Variants in FBXL7 observed in about 807,000 individuals in gnomAD.
FBXL7 encodes the protein F-box/LRR-repeat protein 7.
A neutral mutation model predicts 38.3 loss-of-function variants in FBXL7; 12 were observed. The ratio of observed to expected loss-of-function variants is 0.31; its 90% confidence interval spans 0.20 to 0.51. The LOEUF (loss-of-function observed/expected upper bound fraction) is 0.51. FBXL7 is among the 20% of genes least tolerant of loss of function. The probability of loss-of-function intolerance (pLI) is 0.98; values close to 1 mark genes in which losing one functional copy is unlikely to be tolerated. For synonymous variants in FBXL7, 297 were observed against 300.9 expected, an observed-to-expected ratio of 0.99 and a Z score of 0.13; for missense variants, 567 against 676.4, an observed-to-expected ratio of 0.84 and a Z score of 1.79.
chr5:15,936,743 A>G lies in FBXL7; in HGVS notation c.1033A>G (p.Ile345Val), dbSNP rs1438099269. ...CGTCAGCGACTTCGGCCTGCGGGAG[A>G]TCGCCAAGCTGGAGTCCCGCCTGCG... ...RFVSDFGLRE[I>V]AKLESRLRYL... The change falls in exon 4 of 4, where the codon ATC (isoleucine) becomes GTC (valine). Residue 345 changes from isoleucine (I) to valine (V), a missense_variant. Ile to Val is a conservative substitution (Grantham distance 29). Transcript: ENST00000504595. The surrounding 1 kb of genome is among the most constrained non-coding windows in gnomAD (Gnocchi z 6.0). The G allele has an allele frequency of 2.5e-6, 4 of 1,609,402 alleles. No homozygotes were observed. Among genetic ancestry groups the G allele is most frequent in the Non-Finnish European group, 3.4e-6 (4 of 1,179,306 alleles).
intron 1 of FBXL7, among the ~76,000 whole-genome samples, chr5:15,615,586 C>A (rs1380798791): frequency 6.6e-6 from 1 of 152,132 alleles, no homozygotes; most frequent in African/African-American, 2.4e-5. Flanking sequence ...TCTGATTATG[C>A]CTTATTCTTT....
intron 2 of FBXL7, among the ~76,000 whole-genome samples, chr5:15,858,632 C>T (rs1013300895): frequency 6.6e-5 from 10 of 152,158 alleles, no homozygotes; most frequent in Non-Finnish European, 1.5e-4. Flanking sequence ...GATATGTCTT[C>T]AGTAACTTTC....
At chr5:15,927,774 A>G in intron 2 of FBXL7, 116 bp from the exon 3 acceptor site, 3 of 760,206 alleles carry the variant, frequency 3.9e-6, no homozygotes, top group Non-Finnish European at 5.2e-6. Flanking sequence ...TAAAAAAAAA[A>G]AAAAAAAAAA....
At chr5:15,535,201 A>C (rs1737545895) in intron 1 of FBXL7, among the ~76,000 whole-genome samples, 1 of 152,182 alleles carries the variant, frequency 6.6e-6, no homozygotes, top group Non-Finnish European at 1.5e-5. Context: ...ATCCAGTCTC[A>C]AGTATTCTTT....
At chr5:15,791,890 C>A (rs1230419009) in intron 2 of FBXL7, among the ~76,000 whole-genome samples, 1 of 152,152 alleles carries the variant, frequency 6.6e-6, no homozygotes, top group East Asian at 1.9e-4. Context: ...GGCTGCTGGG[C>A]TCCAAACAGG....
chr5:15,891,977 G>A (rs1740922432), intron 2 of FBXL7, among the ~76,000 whole-genome samples: 1 of 152,228 alleles, frequency 6.6e-6, no homozygotes, highest in Admixed American at 6.5e-5. Flanking sequence ...CCAGGCAGGA[G>A]GGAACAGCCC....
chr5:15,565,248 C>T lies in FBXL7; in HGVS notation c.38-50735C>T, dbSNP rs1223038421. Among the ~76,000 whole-genome samples, 3 of 152,030 alleles carry T rather than the reference C, an allele frequency of 2.0e-5. No homozygotes were observed. The East Asian group carries it at 5.8e-4, about 29-fold the overall frequency. On this transcript the variant is annotated intron_variant, in intron 1 of 3. Transcript: ENST00000504595. ...AAGAAAATATCCATTGAAATCTAGA[C>T]TGTTTCTAACATAACACCATGTTTT...
chr5:15,733,980 G>A lies in FBXL7; in HGVS notation c.127+117908G>A, dbSNP rs1324378879. On this transcript the variant is annotated intron_variant, in intron 2 of 3. Transcript: ENST00000504595. ...AAATTACCTGGGCTTGGTGGCATGT[G>A]CCTGTAATCGCAGCTACTCAGGAGA... 7.2e-5 allele frequency among the ~76,000 whole-genome samples: 11 copies of A among 152,092 alleles called. 1 individual carries two copies. In the South Asian group the frequency reaches 1.9e-3, roughly 26 times the overall value.
chr5:15,748,931 A>G lies in FBXL7; in HGVS notation c.127+132859A>G, dbSNP rs1736082798. Among the ~76,000 whole-genome samples, 3 of 152,164 alleles carry G rather than the reference A, an allele frequency of 2.0e-5. No individual in the cohort carries two copies. The South Asian group carries it at 6.2e-4, about 32-fold the overall frequency. On this transcript the variant is annotated intron_variant, in intron 2 of 3. Transcript: ENST00000504595. Reference sequence around the variant, plus strand: ...TTCCTTGGCCTCCTAAAGTGTTGCCATGGCTAACATGTCTTTAAGATTTCA... The same window carrying G: ...TTCCTTGGCCTCCTAAAGTGTTGCCGTGGCTAACATGTCTTTAAGATTTCA...
intron 1 of FBXL7, among the ~76,000 whole-genome samples, chr5:15,546,723 C>T (rs887263161): frequency 1.3e-5 from 2 of 152,012 alleles, no homozygotes; most frequent in African/African-American, 4.8e-5. Context: ...AGAGCGAGAC[C>T]CTGTCTCAAA....
chr5:15,711,801 T>C (rs565942129), intron 2 of FBXL7, among the ~76,000 whole-genome samples: 1 of 152,248 alleles, frequency 6.6e-6, no homozygotes, highest in South Asian at 2.1e-4. Flanking sequence ...ATTCCAAAAA[T>C]ATAATTATTT....
chr5:15,524,247 G>A (rs914493272), intron 1 of FBXL7, among the ~76,000 whole-genome samples: 2 of 152,098 alleles, frequency 1.3e-5, no homozygotes, highest in Non-Finnish European at 2.9e-5. Flanking sequence ...TAGGATTGAT[G>A]ACATTGACCA....
intron 2 of FBXL7, among the ~76,000 whole-genome samples, chr5:15,864,833 T>A (rs1430573701): frequency 6.6e-6 from 1 of 152,196 alleles, no homozygotes; most frequent in Non-Finnish European, 1.5e-5. Context: ...AAAGAAATAT[T>A]ATTATATCTA....
At chr5:15,681,586 G>T (rs2126610582) in intron 2 of FBXL7, among the ~76,000 whole-genome samples, 1 of 152,254 alleles carries the variant, frequency 6.6e-6, no homozygotes, top group East Asian at 1.9e-4. Flanking sequence ...GGACAATCAT[G>T]GGTGACCTGT....
At chr5:15,698,021 C>T (rs886635520) in intron 2 of FBXL7, among the ~76,000 whole-genome samples, 19 of 152,184 alleles carry the variant, frequency 1.2e-4, no homozygotes, top group Non-Finnish European at 2.6e-4. Context: ...TATAATAATG[C>T]AGCAAGTTGC....
intron 2 of FBXL7, among the ~76,000 whole-genome samples, chr5:15,898,893 G>A (rs1389646963): frequency 6.6e-6 from 1 of 152,008 alleles, no homozygotes; most frequent in African/African-American, 2.4e-5. Context: ...TTTTTGGCCA[G>A]CAAATTACAA....
chr5:15,658,797 A>G (rs1741965190), intron 2 of FBXL7, among the ~76,000 whole-genome samples: 1 of 152,202 alleles, frequency 6.6e-6, no homozygotes, highest in African/African-American at 2.4e-5. Context: ...TGAAATCTAT[A>G]GATAACACAA....
At chr5:15,595,271 G>C (rs1405808460) in intron 1 of FBXL7, among the ~76,000 whole-genome samples, 1 of 152,290 alleles carries the variant, frequency 6.6e-6, no homozygotes, top group Non-Finnish European at 1.5e-5. Flanking sequence ...AGGGATCTCA[G>C]AGACCCAGAA....
chr5:15,522,315 CTGTA>C (rs1246059964), intron 1 of FBXL7, among the ~76,000 whole-genome samples: 7 of 152,158 alleles, frequency 4.6e-5, no homozygotes, highest in Admixed American at 2.6e-4. Context: ...TCTCCAAAAT[CTGTA>C]TGTATTTGAT....
Sources: gnomAD v4.1 joint callset for allele counts (sites outside exome capture counted in the v4.1 genomes callset) on GRCh38, gnomAD v4.1.1 for gene constraint, Gnocchi (gnomAD v3.1) non-coding constraint, MANE v1.5 for transcripts, NCBI Gene and HGNC (gene_info 2026-07-23, HGNC 2026-07-21) for gene names.